COL5A2: variants seen among roughly 807,000 people sequenced by gnomAD.
COL5A2 encodes collagen alpha-2(V) chain.
COL5A2 carries 23 observed loss-of-function variants against 208.2 expected under a neutral mutation model. The observed-to-expected ratio is 0.11, with a 90% CI of 0.08 to 0.16. The LOEUF is 0.16. COL5A2 is among the 10% of genes least tolerant of loss of function. The pLI, the probability that COL5A2 is intolerant of heterozygous loss-of-function variation, is 1.00. For missense variants in COL5A2, 1,590 were observed against 1,956.4 expected (o/e 0.81, Z 3.53); for synonymous variants, 625 against 628.5 (o/e 0.99, Z 0.08).
intron 47 of COL5A2, 43 bp downstream of exon 47, chr2:189,045,136 A>G (rs767578946): frequency 7.1e-7 from 1 of 1,413,942 alleles, no homozygotes; most frequent in African/African-American, 1.5e-5. Flanking sequence ...AGTATATTTT[A>G]TATAAGAAAA....
intron 1 of COL5A2, among the ~76,000 whole-genome samples, chr2:189,154,948 A>G (rs1475814349): frequency 1.3e-5 from 2 of 152,166 alleles, no homozygotes; most frequent in Non-Finnish European, 2.9e-5. Flanking sequence ...AAATAAAATA[A>G]TAATAAGGTC....
intron 17 of COL5A2, among the ~76,000 whole-genome samples, chr2:189,073,209 A>G (rs1686322650): frequency 6.6e-6 from 1 of 151,866 alleles, no homozygotes; most frequent in African/African-American, 2.4e-5. Flanking sequence ...TCTTTCCCTC[A>G]TAATATTTTC....
In COL5A2 at chr2:189,068,330, C is replaced by T. The variant is rs1157516518; in HGVS notation, c.1258-60G>A. The T allele has an allele frequency of 2.2e-6, 3 of 1,367,024 alleles. No individual in the cohort carries two copies. In the African/African-American group the frequency reaches 4.3e-5, roughly 20 times the overall value. 84.7% of individuals were successfully genotyped at this position (1,367,024 alleles called of 1,614,324 possible). ...TAAGCAATATATAGATACAAATGTG[C>T]TAGTATACAGATGTCCAGCCATCTT... is the stretch of plus-strand genomic sequence containing the variant. On this transcript the variant is annotated intron_variant, in intron 19 of 53. Transcript: ENST00000374866.
At chr2:189,408,545 A>C in the COL5A2 span, among the ~76,000 whole-genome samples, 1 of 152,218 alleles carries the variant, frequency 6.6e-6, no homozygotes. Flanking sequence ...AATAAAATTC[A>C]GTGGCCATGG....
At chr2:189,123,706 T>C (rs1687554506) in intron 1 of COL5A2, among the ~76,000 whole-genome samples, 1 of 152,214 alleles carries the variant, frequency 6.6e-6, no homozygotes, top group Admixed American at 6.5e-5. Context: ...TTGGAGTGAA[T>C]CTTAAGGAAG....
At chr2:189,327,310 G>T in the COL5A2 span, among the ~76,000 whole-genome samples, 2 of 152,010 alleles carry the variant, frequency 1.3e-5, no homozygotes, top group Non-Finnish European at 2.9e-5. Flanking sequence ...TGTAATGTCT[G>T]TATGAATGTT....
At chr2:189,269,740 T>C in the COL5A2 span, among the ~76,000 whole-genome samples, 4 of 152,198 alleles carry the variant, frequency 2.6e-5, no homozygotes, top group Non-Finnish European at 5.9e-5. Context: ...ATAAGGATGA[T>C]GCTGGCCTCA....
chr2:189,080,688 G>A lies in COL5A2; in HGVS notation c.906+302C>T, dbSNP rs7426169. Reference sequence around the variant, plus strand: ...ACAGGAATTGCCTACCTTTTCATCCGTATCCCCCATTAGCCTGAAGCTTCA... The same window carrying A: ...ACAGGAATTGCCTACCTTTTCATCCATATCCCCCATTAGCCTGAAGCTTCA... On this transcript the variant is annotated intron_variant, in intron 13 of 53. Transcript: ENST00000374866. Among the ~76,000 whole-genome samples, 111,109 of 151,924 alleles carry A rather than the reference G, an allele frequency of 0.73. 41,198 individuals are homozygous for A. Among genetic ancestry groups the A allele is most frequent in the Non-Finnish European group, 0.81 (54,949 of 67,976 alleles).
the COL5A2 span, among the ~76,000 whole-genome samples, chr2:189,256,342 A>C: frequency 3.9e-5 from 6 of 152,114 alleles, no homozygotes; most frequent in Admixed American, 1.3e-4. Flanking sequence ...CTGCAGTGCT[A>C]TTTTCTTCCT....
At position 189,084,932 on chromosome 2, in the gene COL5A2, G is replaced by A. The variant is rs150175382; in HGVS notation, c.798+228C>T. 4.6e-5 allele frequency among the ~76,000 whole-genome samples: 7 copies of A among 152,234 alleles called. No individual in the cohort carries two copies. In the East Asian group the frequency reaches 1.4e-3, roughly 29 times the overall value. On this transcript the variant is annotated intron_variant, in intron 11 of 53. Transcript: ENST00000374866. ...ATGGAGAAATCTTAACAAAAACCCA[G>A]GGAATTCAGGAAGAGACAGTAGTAC...
chr2:189,227,116 T>C (rs973107082), upstream of COL5A2, among the ~76,000 whole-genome samples: 2 of 152,128 alleles, frequency 1.3e-5, no homozygotes, highest in African/African-American at 4.8e-5. Flanking sequence ...GGTGAAAGTT[T>C]TTCTCTATTA....
chr2:189,147,259 CGAAAATTAT>C (rs1230335396), intron 1 of COL5A2, among the ~76,000 whole-genome samples: 1 of 151,958 alleles, frequency 6.6e-6, no homozygotes, highest in African/African-American at 2.4e-5. Context: ...AACATCTATA[CGAAAATTAT>C]GAAAAAACGT....
chr2:189,045,679 T>C, intron 46 of COL5A2, 121 bp downstream of exon 46: 2 of 803,672 alleles, frequency 2.5e-6, no homozygotes, highest in South Asian at 2.9e-5. Context: ...TGTTTACCAT[T>C]CATTATTTAG....
At chr2:189,122,969 A>ATT (rs11344015) in intron 1 of COL5A2, among the ~76,000 whole-genome samples, 11 of 149,988 alleles carry the variant, frequency 7.3e-5, no homozygotes, top group African/African-American at 2.7e-4. Flanking sequence ...AAAGTATTTA[A>ATT]TTTTTTTTTT....
At chr2:189,127,659 T>A (rs963303572) in intron 1 of COL5A2, among the ~76,000 whole-genome samples, 3 of 152,020 alleles carry the variant, frequency 2.0e-5, no homozygotes, top group South Asian at 2.1e-4. Flanking sequence ...ATCAAATAGA[T>A]GTGAGAGTGC....
the COL5A2 span, among the ~76,000 whole-genome samples, chr2:189,300,054 C>T: frequency 1.3e-5 from 2 of 152,132 alleles, no homozygotes; most frequent in Non-Finnish European, 2.9e-5. Flanking sequence ...TAGTATGCAT[C>T]AATCTCCAGG....
chr2:189,394,478 G>A, the COL5A2 span, among the ~76,000 whole-genome samples: 113 of 152,260 alleles, frequency 7.4e-4, no homozygotes, highest in African/African-American at 2.6e-3. Flanking sequence ...GAGGAGACAC[G>A]AGTGAGCCCA....
the COL5A2 span, among the ~76,000 whole-genome samples, chr2:189,414,574 C>A: frequency 7.9e-5 from 12 of 151,664 alleles, no homozygotes; most frequent in Non-Finnish European, 1.3e-4. Context: ...CACGGCAAAA[C>A]CCCCGTCTCT....
At chr2:189,259,070 C>A in the COL5A2 span, among the ~76,000 whole-genome samples, 1 of 152,030 alleles carries the variant, frequency 6.6e-6, no homozygotes, top group Non-Finnish European at 1.5e-5. Flanking sequence ...AGACAGCAGA[C>A]GGGAAGATCA....
Sources: allele counts gnomAD v4.1 joint callset (sites outside exome capture counted in the v4.1 genomes callset), GRCh38; gene constraint gnomAD v4.1.1; transcripts MANE v1.5; gene names NCBI Gene and HGNC (gene_info 2026-07-23, HGNC 2026-07-21).